Variants in ARHGAP45 observed in about 807,000 individuals in gnomAD.
ARHGAP45 encodes rho GTPase-activating protein 45.
ARHGAP45 carries 56 observed loss-of-function variants against 116.1 expected under a neutral mutation model. That is an observed-to-expected ratio of 0.48 (90% CI 0.39 to 0.60). The LOEUF (loss-of-function observed/expected upper bound fraction) is 0.60, where lower values mean the gene tolerates loss of function less well. ARHGAP45 is among the 20% of genes least tolerant of loss of function. ARHGAP45 has a pLI of 0.00. For missense variants in ARHGAP45, 1,622 were observed against 1,601.0 expected (o/e 1.01, Z -0.22); for synonymous variants, 866 against 701.7 (o/e 1.23, Z -3.70).
upstream of ARHGAP45, chr19:1,067,141 G>A: frequency 8.6e-7 from 1 of 1,164,238 alleles, no homozygotes; most frequent in Non-Finnish European, 1.1e-6. Context: ...GCTGGGGGCG[G>A]GGCCTGCGAC....
rs972708140 is a variant in ARHGAP45, at chr19:1,077,641, C to T, written c.1186-216C>T. 95 of 1,425,736 alleles carry T rather than the reference C, an allele frequency of 6.7e-5. 1 individual carries two copies. The Middle Eastern group carries it at 1.0e-3, about 15-fold the overall frequency. The allele number at this position is 1,425,736 out of a possible 1,614,324, so 88.3% of individuals were successfully genotyped here. A position where few individuals can be genotyped will look rare whatever the true frequency, so the allele number is the denominator to read the frequency against. On this transcript the variant is annotated intron_variant, in intron 10 of 22. Coordinates refer to ENST00000313093, the MANE Select transcript of ARHGAP45 (RefSeq NM_012292.5). ...CCTCAAGTGATCCACCTGCCTCGGC[C>T]TCCCAAAGTGCTGGGATTACAGACG... is the stretch of plus-strand genomic sequence containing the variant.
At chr19:1,085,588 G>A in intron 22 of ARHGAP45, 72 bp from the exon 23 acceptor site, 3 of 1,143,564 alleles carry the variant, frequency 2.6e-6, no homozygotes, top group Non-Finnish European at 2.4e-6. Context: ...CATCTCTCCT[G>A]TCTGTCCCTC....
Position 1,081,537 on chromosome 19 carries a change from T to G in ARHGAP45, c.2191-13T>G. On this transcript the variant is annotated splice_polypyrimidine_tract_variant and intron_variant, in intron 17 of 22. Transcript: ENST00000313093. Reference sequence around the variant, plus strand: ...GCCCCGGGGCTGGGCTCACTCACTCTGGCCGCCCCCAGTGCTGCCTGGCCT... The same window carrying G: ...GCCCCGGGGCTGGGCTCACTCACTCGGGCCGCCCCCAGTGCTGCCTGGCCT... 6.9e-7 allele frequency: 1 copy of G among 1,453,532 alleles called. No homozygotes were observed. Among genetic ancestry groups the G allele is most frequent in the East Asian group, 2.5e-5 (1 of 39,376 alleles). 90.0% of individuals were successfully genotyped at this position (1,453,532 alleles called of 1,614,324 possible). A position where few individuals can be genotyped will look rare whatever the true frequency, so the allele number is the denominator to read the frequency against.
intron 10 of ARHGAP45, among the ~76,000 whole-genome samples, chr19:1,075,492 G>A (rs1366566059): frequency 2.0e-5 from 3 of 152,090 alleles, no homozygotes; most frequent in Middle Eastern, 3.4e-3. Context: ...TGATCCACCC[G>A]CGTCGGCCTC....
chr19:1,068,575 C>G lies in ARHGAP45; in HGVS notation c.252C>G (p.Ser84=), dbSNP rs752838687. ...AAGFPLSGAA[S]WTLGRSHRSP... ...GCTTCCCCCTGTCGGGTGCTGCCTCCTGGACACTGGGCCGGAGCCACCGGA... is the reference window on the plus strand; with the variant it reads ...GCTTCCCCCTGTCGGGTGCTGCCTCGTGGACACTGGGCCGGAGCCACCGGA... Residue 84 remains serine, a synonymous_variant, in exon 2 of 23, where the codon TCC becomes TCG. Coordinates refer to ENST00000313093, the MANE Select transcript of ARHGAP45 (RefSeq NM_012292.5). The surrounding 1 kb of genome is among the most constrained non-coding windows in gnomAD (Gnocchi z 7.5). 1.1e-4 allele frequency: 170 copies of G among 1,610,550 alleles called. No individual in the cohort carries two copies. The highest frequency in any genetic ancestry group is 8.3e-4 in the Middle Eastern group (5 of 5,996).
In ARHGAP45 at chr19:1,067,442, C is replaced by T. The variant is rs1478090855; in HGVS notation, c.37C>T (p.Pro13Ser). 2 of 1,604,980 alleles carry T rather than the reference C, an allele frequency of 1.2e-6. No individual in the cohort carries two copies. The highest frequency in any genetic ancestry group is 1.7e-6 in the Non-Finnish European group (2 of 1,176,330). ...GAAGAAACGAGAGCTCATGAAAACC[C>T]CTTCCATCTCGAAAAAGAACCGCGC... ...SRKKRELMKT[P>S]SISKKNRAGS... The change falls in exon 1 of 23, where the codon CCT (proline) becomes TCT (serine). Residue 13 changes from proline to serine, a missense_variant. Physicochemically the swap from Pro to Ser is moderately conservative, Grantham distance 74. Transcript: ENST00000313093.
At chr19:1,081,221 T>C (rs916006839) in intron 17 of ARHGAP45, among the ~76,000 whole-genome samples, 157 bp downstream of exon 17, 2 of 151,326 alleles carry the variant, frequency 1.3e-5, no homozygotes, top group East Asian at 3.9e-4. Context: ...GGTGGGCTCT[T>C]TTAGTTCTGG....
rs372059011 is a variant in ARHGAP45, at chr19:1,082,156, G to A, written c.2517+195G>A. Among the ~76,000 whole-genome samples the A allele has an allele frequency of 3.3e-5, 5 of 150,676 alleles. No homozygotes were observed. The East Asian group carries it at 9.8e-4, about 30-fold the overall frequency. ...TGAGGCTGGGGGCGTGGTCACGGTA[G>A]GAGCGAGGCGGGGCCAGTTCTGCGC... On this transcript the variant is annotated intron_variant, in intron 19 of 22. Transcript: ENST00000313093.
At chr19:1,084,522 G>A (rs751921422) in intron 22 of ARHGAP45, among the ~76,000 whole-genome samples, 176 bp downstream of exon 22, 6 of 152,192 alleles carry the variant, frequency 3.9e-5, no homozygotes, top group East Asian at 1.9e-4. Flanking sequence ...TCCTTTAACC[G>A]GCTGCAAAAA....
rs917206309 is a variant in ARHGAP45 at position 1,086,549 on chromosome 19, C to G, written c.*543C>G. On this transcript the variant is annotated 3_prime_UTR_variant, in exon 23 of 23. Coordinates refer to ENST00000313093, the MANE Select transcript of ARHGAP45 (RefSeq NM_012292.5). ...TGTGGCCACCTGGGGCTCAGGTACA[C>G]AGTGGGGTCTCTCGGAAGCCACCGT... is the stretch of plus-strand genomic sequence containing the variant. 1.3e-5 allele frequency: 2 copies of G among 152,582 alleles called. No individual in the cohort carries two copies. Among genetic ancestry groups the G allele is most frequent in the African/African-American group, 4.8e-5 (2 of 41,434 alleles). The allele number at this position is 152,582 out of a possible 1,614,324, so 9.5% of individuals were successfully genotyped here.
intron 11 of ARHGAP45, 93 bp downstream of exon 11, chr19:1,078,138 T>A (rs938334251): frequency 3.5e-6 from 2 of 578,590 alleles, no homozygotes; most frequent in East Asian, 1.1e-4. Flanking sequence ...TTGTTTTTGT[T>A]TTTTTGTTTT....
chr19:1,066,805 C>T (rs2043039587), upstream of ARHGAP45, among the ~76,000 whole-genome samples: 1 of 147,892 alleles, frequency 6.8e-6, no homozygotes, highest in South Asian at 2.2e-4. Context: ...CCGGCCACAC[C>T]CTAGGGTCTG....
In ARHGAP45 at chr19:1,077,867, A is replaced by T; in HGVS notation, c.1196A>T (p.Glu399Val). The change falls in exon 11 of 23, where the codon GAG (glutamate) becomes GTG (valine). Residue 399 changes from glutamate (E) to valine (V), a missense_variant. Transcript: ENST00000313093. The part of the protein sequence containing the change: ...HRAQRKLQEA[E>V]SNLRKAKQGY... Reference sequence around the variant, plus strand: ...CTCCCACACCCACAGCAAGAGGCGGAGTCCAACCTGCGCAAGGCCAAGCAG... The same window carrying T: ...CTCCCACACCCACAGCAAGAGGCGGTGTCCAACCTGCGCAAGGCCAAGCAG... 2 of 1,553,304 alleles carry T rather than the reference A, an allele frequency of 1.3e-6. No individual in the cohort carries two copies. Among genetic ancestry groups the T allele is most frequent in the Non-Finnish European group, 1.7e-6 (2 of 1,148,228 alleles).
rs1404374030 is a variant in ARHGAP45 at position 1,074,950 on chromosome 19, C to T, written c.1185+71C>T. ...GGCGCAGGCGCAGTCCCAGCCCCAG[C>T]CCCATAGCGAGGGCCCTGCGGCGAG... On this transcript the variant is annotated intron_variant, in intron 10 of 22. Transcript: ENST00000313093. 6 of 1,323,692 alleles carry T rather than the reference C, an allele frequency of 4.5e-6. No individual in the cohort carries two copies. In the Admixed American group the frequency reaches 1.4e-4, roughly 31 times the overall value. The allele number at this position is 1,323,692 out of a possible 1,614,324, so 82.0% of individuals were successfully genotyped here.
In ARHGAP45 at chr19:1,082,760, G is replaced by A. The variant is rs540956623; in HGVS notation, c.2518-80G>A. ...GTGGCCAGTGCTCTGTGGGGGTGGG[G>A]CTGAGGCTGGGGGCGTGGCAGGCAC... is the stretch of plus-strand genomic sequence containing the variant. On this transcript the variant is annotated intron_variant, in intron 19 of 22. Coordinates refer to ENST00000313093, the MANE Select transcript of ARHGAP45 (RefSeq NM_012292.5). 802 of 1,246,672 alleles carry A rather than the reference G, an allele frequency of 6.4e-4. No individual in the cohort carries two copies. The African/African-American group carries it at 0.011, about 17-fold the overall frequency. The allele number at this position is 1,246,672 out of a possible 1,614,324, so 77.2% of individuals were successfully genotyped here. A position where few individuals can be genotyped will look rare whatever the true frequency, so the allele number is the denominator to read the frequency against.
chr19:1,084,172 TTTG>T (rs1466106924), intron 21 of ARHGAP45, 63 bp from the exon 22 acceptor site: 4 of 1,456,362 alleles, frequency 2.7e-6, no homozygotes, highest in African/African-American at 1.4e-5. Flanking sequence ...TGTGGGTGGG[TTTG>T]TTAATTTATA....
chr19:1,075,035 C>CT (rs2043216937), intron 10 of ARHGAP45, among the ~76,000 whole-genome samples, 156 bp downstream of exon 10: 1 of 140,088 alleles, frequency 7.1e-6, no homozygotes, highest in African/African-American at 2.7e-5. Context: ...CCGCCCCCCC[C>CT]AACGCCAAGC....
intron 2 of ARHGAP45, among the ~76,000 whole-genome samples, chr19:1,072,377 C>T (rs1329654878): frequency 1.3e-5 from 2 of 152,180 alleles, no homozygotes; most frequent in Non-Finnish European, 2.9e-5. Context: ...CTTTTTTCTT[C>T]TTCCAATTGA....
At chr19:1,077,790 A>T in intron 10 of ARHGAP45, 67 bp from the exon 11 acceptor site, 1 of 1,549,294 alleles carries the variant, frequency 6.5e-7, no homozygotes, top group Non-Finnish European at 8.7e-7. Flanking sequence ...GGAAAGGAGG[A>T]GCTGGGGAGA....
Sources: allele counts gnomAD v4.1 joint callset (sites outside exome capture counted in the v4.1 genomes callset), GRCh38; gene constraint gnomAD v4.1.1; non-coding constraint Gnocchi (gnomAD v3.1); transcripts MANE v1.5; gene names NCBI Gene and HGNC (gene_info 2026-07-23, HGNC 2026-07-21).